The following MAN2B2 variants were observed in gnomAD, a reference collection of about 807,000 sequenced individuals.
The protein encoded by MAN2B2 is epididymis-specific alpha-mannosidase.
Under a neutral mutation model 117.1 loss-of-function variants are expected in MAN2B2, and 106 were observed. The observed-to-expected ratio is 0.90, with a 90% CI of 0.77 to 1.06. The LOEUF (loss-of-function observed/expected upper bound fraction) is 1.06. MAN2B2 is among the 50% of genes least tolerant of loss of function. The pLI, the probability that MAN2B2 is intolerant of heterozygous loss-of-function variation, is 0.00. For missense variants in MAN2B2, 1,326 were observed against 1,381.4 expected, an observed-to-expected ratio of 0.96 and a Z score of 0.64; for synonymous variants, 544 against 595.1, an observed-to-expected ratio of 0.91 and a Z score of 1.25.
chr4:6,614,528 G>A lies in MAN2B2; in HGVS notation c.2701+173G>A, dbSNP rs191528562. Among the ~76,000 whole-genome samples the A allele has an allele frequency of 2.0e-3, 303 of 152,280 alleles. 1 individual carries two copies. Among genetic ancestry groups the A allele is most frequent in the African/African-American group, 6.9e-3 (288 of 41,566 alleles). ...GAGGCCCAGGGAGAGTCAGTGATCA[G>A]TCACTTGGCAAGCTGGAGGCGAGGT... On this transcript the variant is annotated intron_variant, in intron 16 of 18. Coordinates refer to ENST00000285599, the MANE Select transcript of MAN2B2 (RefSeq NM_015274.3).
chr4:6,578,308 G>A, intron 2 of MAN2B2, 85 bp from the exon 3 acceptor site: 1 of 967,092 alleles, frequency 1.0e-6, no homozygotes, highest in South Asian at 1.4e-5. Context: ...CAGGGCGTGT[G>A]TGGCGCTGTA....
rs774418879 is a variant in MAN2B2 at position 6,609,975 on chromosome 4, C to A, written c.2184C>A (p.Val728=). The part of the protein sequence containing the change: ...RTSTNLNSQQ[V]IYSDNNGYQM... ...GCACCAACCTAAACAGCCAGCAGGT[C>A]ATCTACTCAGACAACAACGGCTACC... is the stretch of plus-strand genomic sequence containing the variant. The change falls in exon 13 of 19, where the codon GTC becomes GTA. Residue 728 remains valine (V), a synonymous_variant. Transcript: ENST00000285599. The A allele has an allele frequency of 6.2e-7, 1 of 1,614,200 alleles. No homozygotes were observed. Among genetic ancestry groups the A allele is most frequent in the Non-Finnish European group, 8.5e-7 (1 of 1,180,028 alleles).
intron 15 of MAN2B2, among the ~76,000 whole-genome samples, chr4:6,613,784 G>A (rs1200957498): frequency 6.8e-6 from 1 of 147,684 alleles, no homozygotes; most frequent in Admixed American, 6.7e-5. Context: ...GGGAAGGAAG[G>A]AAAGAAGGAA....
chr4:6,619,072 G>A (rs1712032096), intron 17 of MAN2B2: 1 of 152,274 alleles, frequency 6.6e-6, no homozygotes, highest in African/African-American at 2.4e-5. Flanking sequence ...GGTTGGGATG[G>A]ACACCATGAC....
chr4:6,612,313 A>G (rs1273378906), intron 15 of MAN2B2, among the ~76,000 whole-genome samples: 1 of 152,206 alleles, frequency 6.6e-6, no homozygotes, highest in Non-Finnish European at 1.5e-5. Context: ...GCCAGGATTC[A>G]GGGTGGAGAA....
rs370289738 is a variant in MAN2B2, at chr4:6,605,243, G to C, written c.1728G>C (p.Ala576=). The C allele has an allele frequency of 1.2e-5, 19 of 1,614,090 alleles. No individual in the cohort carries two copies. Among genetic ancestry groups the C allele is most frequent in the Non-Finnish European group, 1.6e-5 (19 of 1,180,032 alleles). The change falls in exon 11 of 19, where the codon GCG becomes GCC. Residue 576 remains alanine, a synonymous_variant. Coordinates refer to ENST00000285599, the MANE Select transcript of MAN2B2 (RefSeq NM_015274.3). ...GGCTGAGGAGACGCACCAGCCATGC[G>C]GGCAGGTACTTGGTGCCTGTGGCAA... ...GRRLRRRTSH[A]GRYLVPVAND...
At chr4:6,581,053 C>T (rs1726409815) in intron 3 of MAN2B2, among the ~76,000 whole-genome samples, 1 of 152,272 alleles carries the variant, frequency 6.6e-6, no homozygotes, top group Admixed American at 6.5e-5. Flanking sequence ...TGATAACCAC[C>T]TTGTTCTAGG....
intron 1 of MAN2B2, 149 bp downstream of exon 1, chr4:6,575,497 C>A: frequency 1.9e-6 from 1 of 537,674 alleles, no homozygotes; most frequent in Non-Finnish European, 3.1e-6. Flanking sequence ...TGACTGGTTG[C>A]GTCGCTAACT....
chr4:6,609,002 TA>T (rs1727652096), intron 11 of MAN2B2, 104 bp from the exon 12 acceptor site: 2 of 1,055,234 alleles, frequency 1.9e-6, no homozygotes, highest in South Asian at 1.6e-5. Flanking sequence ...TCGTGAGTGC[TA>T]CGCAGGCCAC....
intron 16 of MAN2B2, among the ~76,000 whole-genome samples, chr4:6,615,768 C>G (rs563647353): frequency 6.6e-6 from 1 of 152,004 alleles, no homozygotes; most frequent in Admixed American, 6.5e-5. Flanking sequence ...CTACAGCACT[C>G]CAGCCTGGGC....
chr4:6,596,142 G>C (rs1727071361), intron 7 of MAN2B2, among the ~76,000 whole-genome samples: 1 of 149,690 alleles, frequency 6.7e-6, no homozygotes. Context: ...AGGTGGGCGT[G>C]GTATCCAGGT....
intron 3 of MAN2B2, among the ~76,000 whole-genome samples, chr4:6,585,984 G>A (rs1726617986): frequency 6.6e-6 from 1 of 152,062 alleles, no homozygotes. Flanking sequence ...ACTGAGTCTG[G>A]CCACCCTCTA....
At chr4:6,614,579 C>T (rs1198868251) in intron 16 of MAN2B2, among the ~76,000 whole-genome samples, 1 of 152,136 alleles carries the variant, frequency 6.6e-6, no homozygotes, top group African/African-American at 2.4e-5. Context: ...CCCTGTGACC[C>T]CAGCGCATTC....
In MAN2B2 at chr4:6,594,546, C is replaced by CCTTCACA. The variant is rs1474942892; in HGVS notation, c.871_872insCTTCACA (p.Gln291ProfsTer133). 1.2e-6 allele frequency: 2 copies of CCTTCACA among 1,613,196 alleles called. No individual in the cohort carries two copies. The highest frequency in any genetic ancestry group is 1.7e-5 in the Admixed American group (1 of 60,030). On this transcript the variant is annotated frameshift_variant, in exon 7 of 19. Coordinates refer to ENST00000285599, the MANE Select transcript of MAN2B2 (RefSeq NM_015274.3). LOFTEE classifies it high-confidence loss of function. The stretch of plus-strand genomic sequence containing the variant: ...CATGTCCCTGCAGGGATGTGACAAG[C>CCTTCACA]AGTTCTTCAATGCCTCGGTGCAGTT...
chr4:6,579,277 C>CCACCAT (rs1560634902), intron 3 of MAN2B2, among the ~76,000 whole-genome samples: 1 of 107,632 alleles, frequency 9.3e-6, no homozygotes, highest in Non-Finnish European at 2.1e-5. Flanking sequence ...ACCATCACCA[C>CCACCAT]CACCATCACC....
At chr4:6,607,366 C>T (rs1727593915) in intron 11 of MAN2B2, among the ~76,000 whole-genome samples, 1 of 152,118 alleles carries the variant, frequency 6.6e-6, no homozygotes, top group African/African-American at 2.4e-5. Context: ...ACCACCACAC[C>T]CAGCTAATTT....
In MAN2B2 at chr4:6,600,639, A is replaced by T. The variant is rs1727289010; in HGVS notation, c.1422A>T (p.Gly474=). ...TGTGTGCAGATGCAGGACCTGCAGG[A>T]CATTTTGCCTCGGTCTACAACCCGC... is the stretch of plus-strand genomic sequence containing the variant. The part of the protein sequence containing the change: ...MAASSDAGPA[G]HFASVYNPLA... The change falls in exon 10 of 19, where the codon GGA becomes GGT. Residue 474 remains glycine (G), a synonymous_variant. Transcript: ENST00000285599. The T allele has an allele frequency of 1.2e-6, 2 of 1,613,916 alleles. No individual in the cohort carries two copies. Among genetic ancestry groups the T allele is most frequent in the Non-Finnish European group, 1.7e-6 (2 of 1,180,022 alleles).
intron 17 of MAN2B2, 80 bp from the exon 18 acceptor site, chr4:6,619,847 C>T: frequency 7.7e-7 from 1 of 1,299,054 alleles, no homozygotes; most frequent in South Asian, 1.3e-5. Context: ...CGTGGTGTGT[C>T]TGCCCTGCTG....
rs769747661 is a variant in MAN2B2, at chr4:6,598,264, C to G, written c.1315C>G (p.Leu439Val). 8.7e-6 allele frequency: 14 copies of G among 1,613,646 alleles called. No individual in the cohort carries two copies. In the African/African-American group the frequency reaches 1.2e-4, roughly 14 times the overall value. Residue 439 changes from leucine to valine, a missense_variant, in exon 9 of 19, where the codon CTG (leucine) becomes GTG (valine). Leu to Val is a conservative substitution (Grantham distance 32). Coordinates refer to ENST00000285599, the MANE Select transcript of MAN2B2 (RefSeq NM_015274.3). ...GGTGAGAGACATGTACGCAACGCAC[C>G]TGGCCTCGGGGATGCTGGGCATGCG... ...PKVRDMYATH[L>V]ASGMLGMRKL... is the part of the protein sequence containing the mutation.
Sources: gnomAD v4.1 joint callset for allele counts (sites outside exome capture counted in the v4.1 genomes callset) on GRCh38, gnomAD v4.1.1 for gene constraint, MANE v1.5 for transcripts, NCBI Gene and HGNC (gene_info 2026-07-23, HGNC 2026-07-21) for gene names.